PRKAG1: variants seen among roughly 807,000 people sequenced by gnomAD.
The protein encoded by PRKAG1 is protein kinase AMP-activated non-catalytic subunit gamma 1, also known as 5'-AMP-activated protein kinase subunit gamma-1.
In PRKAG1, 27 loss-of-function variants were observed where a neutral mutation model predicts 48.2. The observed-to-expected ratio is 0.56, with a 90% CI of 0.41 to 0.77. The LOEUF (loss-of-function observed/expected upper bound fraction) is 0.77. Among genes scored for constraint, PRKAG1 ranks in the 30% least tolerant of loss-of-function variants. The pLI is 0.00. For missense variants in PRKAG1, 287 were observed against 398.3 expected, an observed-to-expected ratio of 0.72 and a Z score of 2.38; for synonymous variants, 130 against 147.7, an observed-to-expected ratio of 0.88 and a Z score of 0.87.
At chr12:49,004,904 T>C (rs1458442239) in intron 7 of PRKAG1, 60 bp downstream of exon 7, 7 of 1,552,216 alleles carry the variant, frequency 4.5e-6, no homozygotes, top group African/African-American at 2.7e-5. Context: ...TCTAGGGCAT[T>C]AGCTAGGCTG....
chr12:49,003,682 G>A (rs1565731507), intron 9 of PRKAG1, 75 bp downstream of exon 9: 23 of 1,608,434 alleles, frequency 1.4e-5, no homozygotes, highest in Non-Finnish European at 1.8e-5. Flanking sequence ...CTAAGCTGAG[G>A]GGAAAGCAGA....
chr12:49,018,486 A>G (rs1231245660), intron 1 of PRKAG1: 2 of 1,386,388 alleles, frequency 1.4e-6, no homozygotes, highest in Non-Finnish European at 1.9e-6. Flanking sequence ...GGAGGGAGCC[A>G]GGAGTCACTG....
Position 49,008,118 on chromosome 12 carries a change from C to T in PRKAG1, c.59-2266G>A, listed in dbSNP as rs144030128. On this transcript the variant is annotated intron_variant, in intron 2 of 11. Coordinates refer to ENST00000548065, the MANE Select transcript of PRKAG1 (RefSeq NM_002733.5). ...ATGTGATCTGCCCGCTTTGGCCTCCCAAAGTGCTGAGATTACAGGAATGAG... is the reference window on the plus strand; with the variant it reads ...ATGTGATCTGCCCGCTTTGGCCTCCTAAAGTGCTGAGATTACAGGAATGAG... 1.4e-3 allele frequency among the ~76,000 whole-genome samples: 218 copies of T among 152,226 alleles called. No individual in the cohort carries two copies. In the Middle Eastern group the frequency reaches 0.017, roughly 12 times the overall value.
intron 1 of PRKAG1, among the ~76,000 whole-genome samples, chr12:49,016,113 T>C (rs991589163): frequency 2.6e-5 from 4 of 151,992 alleles, no homozygotes; most frequent in Admixed American, 6.6e-5. Context: ...ACTTTTTGTA[T>C]TTTTTTGTAG....
intron 2 of PRKAG1, 55 bp downstream of exon 2, chr12:49,013,007 T>G: frequency 6.6e-7 from 1 of 1,504,388 alleles, no homozygotes. Context: ...TTGAAGACAT[T>G]GTTAGGGTCA....
At chr12:49,013,744 T>C (rs1394130963) in intron 1 of PRKAG1, among the ~76,000 whole-genome samples, 6 of 152,210 alleles carry the variant, frequency 3.9e-5, no homozygotes, top group Admixed American at 3.3e-4. Flanking sequence ...GGTTTGCTTT[T>C]GTTTACATCA....
chr12:49,008,218 C>CA, intron 2 of PRKAG1, among the ~76,000 whole-genome samples: 2 of 152,222 alleles, frequency 1.3e-5, no homozygotes, highest in Admixed American at 1.3e-4. Context: ...ATAGTAAACT[C>CA]TGATTTTTTT....
At chr12:49,014,720 G>A (rs1941900409) in intron 1 of PRKAG1, among the ~76,000 whole-genome samples, 2 of 152,368 alleles carry the variant, frequency 1.3e-5, no homozygotes, top group South Asian at 4.1e-4. Context: ...ATAGCCAGGG[G>A]ATGCTGGTTT....
At chr12:49,017,007 T>C (rs1260130473) in intron 1 of PRKAG1, 4 of 403,964 alleles carry the variant, frequency 9.9e-6, no homozygotes, top group Non-Finnish European at 2.0e-5. Context: ...GTGCCCTTGC[T>C]CACACTGTTC....
rs759878251 is a variant in PRKAG1 at position 49,013,107 on chromosome 12, T to C, written c.13A>G (p.Ile5Val). 2 of 1,613,606 alleles carry C rather than the reference T, an allele frequency of 1.2e-6. No individual in the cohort carries two copies. Among genetic ancestry groups the C allele is most frequent in the Non-Finnish European group, 1.7e-6 (2 of 1,179,514 alleles). ...ACAGCTGGGGAGCTATCTGAAGAAA[T>C]GACCTGGAGAGATAAGAAAACAGAT... METVISSDSSPAVEN... is the reference protein window; with the variant it reads METVVSSDSSPAVEN... Residue 5 changes from isoleucine (I) to valine (V), a missense_variant, in exon 2 of 12, where the codon ATT becomes GTT. Coordinates refer to ENST00000548065, the MANE Select transcript of PRKAG1 (RefSeq NM_002733.5).
In PRKAG1 at chr12:49,004,771, AAGAGAG is replaced by A. The variant is rs145803889; in HGVS notation, c.411-144_411-139del. ...AGTGTACAGGCCAGACTTAAAGAGAAAGAGAGAGAGAGAGAGAGTGAGAATGAGAGA... is the reference window on the plus strand; with the variant it reads ...AGTGTACAGGCCAGACTTAAAGAGAAAGAGAGAGAGAGTGAGAATGAGAGA... On this transcript the variant is annotated intron_variant, in intron 7 of 11. Transcript: ENST00000548065. The A allele has an allele frequency of 6.0e-5, 72 of 1,195,258 alleles. 1 individual carries two copies. The African/African-American group carries it at 6.3e-4, about 10-fold the overall frequency. 74.0% of individuals were successfully genotyped at this position (1,195,258 alleles called of 1,614,324 possible).
At chr12:49,009,553 C>T (rs1489191016) in intron 2 of PRKAG1, among the ~76,000 whole-genome samples, 1 of 151,828 alleles carries the variant, frequency 6.6e-6, no homozygotes, top group Non-Finnish European at 1.5e-5. Flanking sequence ...CTGAAAATTC[C>T]TTCTTTAAAA....
chr12:49,004,450 A>G, intron 8 of PRKAG1, 57 bp downstream of exon 8: 1 of 1,585,260 alleles, frequency 6.3e-7, no homozygotes, highest in African/African-American at 1.4e-5. Context: ...TTTTCAATCA[A>G]TCAATCAATC....
Position 49,005,640 on chromosome 12 carries a change from T to A in PRKAG1, c.169-97A>T. 1.2e-6 allele frequency: 2 copies of A among 1,611,700 alleles called. No homozygotes were observed. The highest frequency in any genetic ancestry group is 2.2e-5 in the South Asian group (2 of 90,798). ...GGGCATGTTGGGTAAAACATGAGAC[T>A]AACTTCACAGAAGGATAAGGATATT... On this transcript the variant is annotated intron_variant, in intron 3 of 11. Coordinates refer to ENST00000548065, the MANE Select transcript of PRKAG1 (RefSeq NM_002733.5). The surrounding 1 kb of genome is among the most constrained non-coding windows in gnomAD (Gnocchi z 4.1).
intron 1 of PRKAG1, among the ~76,000 whole-genome samples, chr12:49,016,153 A>C (rs193214972): frequency 6.6e-6 from 1 of 152,236 alleles, no homozygotes; most frequent in Admixed American, 6.5e-5. Flanking sequence ...TGACCAGGCT[A>C]GTCTTGAGCT....
intron 10 of PRKAG1, 75 bp downstream of exon 10, chr12:49,003,483 C>A: frequency 6.4e-7 from 1 of 1,568,510 alleles, no homozygotes; most frequent in Admixed American, 1.7e-5. Flanking sequence ...AAGAGACTCC[C>A]TTCTCCCTCT....
At chr12:49,006,684 T>C (rs966363264) in intron 2 of PRKAG1, among the ~76,000 whole-genome samples, 10 of 152,214 alleles carry the variant, frequency 6.6e-5, no homozygotes, top group African/African-American at 2.2e-4. Context: ...AAATATTACA[T>C]TGAGGCTGGG....
intron 2 of PRKAG1, among the ~76,000 whole-genome samples, 194 bp from the exon 3 acceptor site, chr12:49,006,046 A>T (rs1318843125): frequency 2.0e-5 from 3 of 152,176 alleles, no homozygotes; most frequent in Non-Finnish European, 4.4e-5. Context: ...ATTTCATCCA[A>T]CCCCTGTCTC....
intron 2 of PRKAG1, among the ~76,000 whole-genome samples, chr12:49,007,677 G>A (rs1273265742): frequency 6.6e-6 from 1 of 151,772 alleles, no homozygotes; most frequent in Non-Finnish European, 1.5e-5. Context: ...TAAATAACAT[G>A]CTTGTATTGC....
Sources: gnomAD v4.1 joint callset for allele counts (sites outside exome capture counted in the v4.1 genomes callset) on GRCh38, gnomAD v4.1.1 for gene constraint, Gnocchi (gnomAD v3.1) non-coding constraint, MANE v1.5 for transcripts, NCBI Gene and HGNC (gene_info 2026-07-23, HGNC 2026-07-21) for gene names.